GTF2A2: variants seen among roughly 807,000 people sequenced by gnomAD.
GTF2A2 encodes the protein general transcription factor IIA subunit 2.
Under a neutral mutation model 14.3 loss-of-function variants are expected in GTF2A2, and 9 were observed. The observed-to-expected ratio is 0.63, with a 90% confidence interval of 0.38 to 1.10. GTF2A2 has a LOEUF of 1.10. Ranked by LOEUF, GTF2A2 falls within the 50% of genes least tolerant of loss-of-function variation. The pLI is 0.01. For synonymous variants in GTF2A2, 56 were observed against 46.0 expected (o/e 1.22, Z -0.88); for missense variants, 90 against 124.6 (o/e 0.72, Z 1.32).
intron 3 of GTF2A2, among the ~76,000 whole-genome samples, chr15:59,649,221 A>T (rs1472545546): frequency 1.3e-5 from 2 of 152,230 alleles, no homozygotes; most frequent in African/African-American, 4.8e-5. Context: ...GTAGGGTGAT[A>T]AAAAGCGTGA....
chr15:59,642,621 G>GTGTA (rs1277108357), intron 3 of GTF2A2, among the ~76,000 whole-genome samples: 1 of 152,152 alleles, frequency 6.6e-6, no homozygotes, highest in Non-Finnish European at 1.5e-5. Flanking sequence ...ATATTTTATT[G>GTGTA]TGTATGTTAA....
intron 3 of GTF2A2, among the ~76,000 whole-genome samples, chr15:59,646,057 T>C (rs1340881882): frequency 6.7e-6 from 1 of 149,468 alleles, no homozygotes; most frequent in African/African-American, 2.5e-5. Context: ...AAAGTGTGTA[T>C]ATTACTTTTT....
chr15:59,641,217 A>AAACTC (rs1891413698), intron 4 of GTF2A2, among the ~76,000 whole-genome samples: 1 of 147,708 alleles, frequency 6.8e-6, no homozygotes, highest in African/African-American at 2.5e-5. Flanking sequence ...TAAGAGTAGT[A>AAACTC]AACTCAAAAA....
chr15:59,639,351 TAC>T (rs1891306562), intron 4 of GTF2A2, among the ~76,000 whole-genome samples, 194 bp from the exon 5 acceptor site: 1 of 152,150 alleles, frequency 6.6e-6, no homozygotes, highest in South Asian at 2.1e-4. Flanking sequence ...TAAGCAGAGA[TAC>T]AAAGATGCTT....
At chr15:59,653,867 T>G (rs1338001623) in intron 1 of GTF2A2, among the ~76,000 whole-genome samples, 3 of 152,188 alleles carry the variant, frequency 2.0e-5, no homozygotes, top group African/African-American at 7.2e-5. Flanking sequence ...ATAGTCTTCC[T>G]GTAACAGCTC....
At chr15:59,654,707 G>A (rs1194008659) in intron 1 of GTF2A2, among the ~76,000 whole-genome samples, 2 of 152,154 alleles carry the variant, frequency 1.3e-5, no homozygotes, top group African/African-American at 2.4e-5. Context: ...ATCTGAGTAT[G>A]ACACAAAGTA....
rs1219705760 is a variant in GTF2A2, at chr15:59,638,436, T to C, written c.*696A>G. On this transcript the variant is annotated 3_prime_UTR_variant, in exon 5 of 5. Transcript: ENST00000396060. ...ACTTTATTGTAAGTCTAATGTATCT[T>C]GTACATGATAAAATGTATGAACTTT... The C allele has an allele frequency of 7.4e-6, 1 of 135,228 alleles. No individual in the cohort carries two copies. The highest frequency in any genetic ancestry group is 3.0e-4 in the East Asian group (1 of 3,298). The allele number at this position is 135,228 out of a possible 1,614,324, so 8.4% of individuals were successfully genotyped here.
At chr15:59,645,023 TA>T (rs1359176245) in intron 3 of GTF2A2, among the ~76,000 whole-genome samples, 2 of 152,056 alleles carry the variant, frequency 1.3e-5, no homozygotes, top group Non-Finnish European at 2.9e-5. Flanking sequence ...TTTACTACAG[TA>T]ATAGTATAGT....
chr15:59,652,235 G>C lies in GTF2A2; in HGVS notation c.43C>G (p.Leu15Val). 1 of 1,602,310 alleles carries C rather than the reference G, an allele frequency of 6.2e-7. No homozygotes were observed. The highest frequency in any genetic ancestry group is 8.5e-7 in the Non-Finnish European group (1 of 1,170,208). Reference protein sequence around the residue: ...LYRNTTLGNSLQESLDELIQS... With the variant: ...LYRNTTLGNSVQESLDELIQS... ...ATGAGCTCATCTAGGCTCTCCTGAA[G>C]ACTGTTTCCCAAAGTAGTATTTCTG... The change falls in exon 2 of 5, where the codon CTT becomes GTT. Residue 15 changes from leucine (L) to valine (V), a missense_variant. Physicochemically the swap from Leu to Val is conservative, Grantham distance 32. Coordinates refer to ENST00000396060, the MANE Select transcript of GTF2A2 (RefSeq NM_004492.3).
intron 3 of GTF2A2, among the ~76,000 whole-genome samples, chr15:59,645,963 G>A (rs1353734721): frequency 6.6e-6 from 1 of 151,592 alleles, no homozygotes; most frequent in African/African-American, 2.4e-5. Context: ...GAACCCAGGA[G>A]GCGGGGGTCA....
At chr15:59,651,304 A>C (rs1289141027) in intron 2 of GTF2A2, 7 of 152,738 alleles carry the variant, frequency 4.6e-5, no homozygotes, top group Admixed American at 4.6e-4. Context: ...CAGCCTCCCA[A>C]GTAGCTGGGA....
intron 1 of GTF2A2, 96 bp from the exon 2 acceptor site, chr15:59,652,422 C>G (rs1200392911): frequency 1.7e-6 from 1 of 574,758 alleles, no homozygotes; most frequent in Non-Finnish European, 3.1e-6. Flanking sequence ...TAATATAGAA[C>G]TAGGAGAACG....
intron 4 of GTF2A2, 70 bp downstream of exon 4, chr15:59,642,066 T>C: frequency 2.1e-6 from 3 of 1,400,180 alleles, no homozygotes; most frequent in Admixed American, 4.5e-5. Context: ...TTCATATGGA[T>C]GCAGATCTTC....
intron 2 of GTF2A2, 47 bp from the exon 3 acceptor site, chr15:59,650,820 A>G (rs757588548): frequency 5.1e-6 from 5 of 980,008 alleles, no homozygotes; most frequent in Middle Eastern, 2.1e-4. Context: ...AGAACATTAA[A>G]GACAAAGTAA....
rs577672289 is a variant in GTF2A2 at position 59,653,372 on chromosome 15, C to G, written c.-49-1046G>C. ...TGAGGAGCAATCATCAGATAAAACT[C>G]AGCAAAAATAATGGCCAGCCATCAG... On this transcript the variant is annotated intron_variant, in intron 1 of 4. Transcript: ENST00000396060. Among the ~76,000 whole-genome samples, 6 of 152,280 alleles carry G rather than the reference C, an allele frequency of 3.9e-5. No individual in the cohort carries two copies. The East Asian group carries it at 1.2e-3, about 29-fold the overall frequency.
chr15:59,642,800 C>G (rs1342916213), intron 3 of GTF2A2, among the ~76,000 whole-genome samples: 2 of 152,146 alleles, frequency 1.3e-5, no homozygotes, highest in Non-Finnish European at 2.9e-5. Context: ...TGGAGTCTTG[C>G]TCTGTTGCCA....
chr15:59,653,901 T>A (rs1003122726), intron 1 of GTF2A2, among the ~76,000 whole-genome samples: 6 of 152,122 alleles, frequency 3.9e-5, no homozygotes, highest in Admixed American at 3.9e-4. Context: ...AAGAGTAACT[T>A]CTCTTTTTCT....
In GTF2A2 at chr15:59,655,499, G is replaced by A. The variant is rs533733843; in HGVS notation, c.-50+1907C>T. Among the ~76,000 whole-genome samples, 4 of 152,236 alleles carry A rather than the reference G, an allele frequency of 2.6e-5. No homozygotes were observed. In the South Asian group the frequency reaches 8.3e-4, roughly 32 times the overall value. ...GTACAGGATCTTACCTTGGCTTCTG[G>A]GACACTGCCCTTTTCGGATTGTCCT... is the stretch of plus-strand genomic sequence containing the variant. On this transcript the variant is annotated intron_variant, in intron 1 of 4. Transcript: ENST00000396060.
intron 3 of GTF2A2, chr15:59,644,196 G>C (rs1231466531): frequency 5.9e-5 from 9 of 152,158 alleles, no homozygotes; most frequent in African/African-American, 2.2e-4. Context: ...TGCCCGGCCG[G>C]AAATTTTTAA....
Sources: gnomAD v4.1 joint callset for allele counts (sites outside exome capture counted in the v4.1 genomes callset) on GRCh38, gnomAD v4.1.1 for gene constraint, MANE v1.5 for transcripts, NCBI Gene and HGNC (gene_info 2026-07-23, HGNC 2026-07-21) for gene names.